Variants in RALGAPA1 observed in about 807,000 individuals in gnomAD.
RALGAPA1 encodes the protein Ral GTPase activating protein catalytic subunit alpha 1.
In RALGAPA1, 52 loss-of-function variants were observed where a neutral mutation model predicts 269.6. That is an observed-to-expected ratio of 0.19 (90% confidence interval 0.15 to 0.24). The LOEUF is 0.24. Ranked by LOEUF, RALGAPA1 falls within the 10% of genes least tolerant of loss-of-function variation. RALGAPA1 has a pLI of 1.00. For synonymous variants in RALGAPA1, 817 were observed against 1,008.3 expected (o/e 0.81, Z 3.60); for missense variants, 1,917 against 3,013.9 (o/e 0.64, Z 8.52).
intron 31 of RALGAPA1, among the ~76,000 whole-genome samples, chr14:35,640,214 G>A (rs2061935860): frequency 6.6e-6 from 1 of 151,502 alleles, no homozygotes; most frequent in Admixed American, 6.6e-5. Context: ...AAAGTAAGCA[G>A]AATAAAAATA....
chr14:35,577,519 T>G (rs2057656280), intron 37 of RALGAPA1, among the ~76,000 whole-genome samples: 1 of 152,230 alleles, frequency 6.6e-6, no homozygotes, highest in African/African-American at 2.4e-5. Context: ...ATCTTGATCT[T>G]AGATTTCTCA....
chr14:35,562,936 G>A (rs947292117), intron 39 of RALGAPA1, among the ~76,000 whole-genome samples: 1 of 142,354 alleles, frequency 7.0e-6, no homozygotes, highest in African/African-American at 2.6e-5. Flanking sequence ...CAGGAGAACT[G>A]CTTGAACCCA....
chr14:35,678,156 A>T, intron 21 of RALGAPA1, 54 bp from the exon 22 acceptor site: 1 of 1,521,260 alleles, frequency 6.6e-7, no homozygotes, highest in Admixed American at 2.1e-5. Context: ...ATCCTACCTA[A>T]GATGTAATGC....
intron 34 of RALGAPA1, among the ~76,000 whole-genome samples, chr14:35,626,836 A>T (rs1395437386): frequency 6.6e-6 from 1 of 152,116 alleles, no homozygotes; most frequent in Non-Finnish European, 1.5e-5. Context: ...AAGGTTGAAA[A>T]ATGAGCTATA....
intron 37 of RALGAPA1, among the ~76,000 whole-genome samples, chr14:35,581,172 A>G (rs1258912728): frequency 6.6e-6 from 1 of 152,168 alleles, no homozygotes; most frequent in Admixed American, 6.5e-5. Flanking sequence ...GATTAAGTTT[A>G]AACATTTAAC....
intron 1 of RALGAPA1, among the ~76,000 whole-genome samples, chr14:35,787,785 T>C (rs1295792224): frequency 2.0e-5 from 3 of 151,650 alleles, no homozygotes; most frequent in Non-Finnish European, 4.4e-5. Flanking sequence ...TCTCACTATG[T>C]CGCCCAGGCT....
intron 4 of RALGAPA1, chr14:35,766,020 G>A (rs2074110636): frequency 7.2e-7 from 1 of 1,390,140 alleles, no homozygotes; most frequent in Non-Finnish European, 1.0e-6. Flanking sequence ...TGAGAATGAA[G>A]ATTCAGACTG....
chr14:35,679,676 A>G (rs373201655), intron 21 of RALGAPA1, among the ~76,000 whole-genome samples: 17 of 152,224 alleles, frequency 1.1e-4, no homozygotes, highest in African/African-American at 3.9e-4. Flanking sequence ...GTAAGTTGTT[A>G]ATTATAGTAA....
At chr14:35,797,761 C>T (rs1025384842) in intron 1 of RALGAPA1, among the ~76,000 whole-genome samples, 1 of 149,872 alleles carries the variant, frequency 6.7e-6, no homozygotes, top group Non-Finnish European at 1.5e-5. Flanking sequence ...AGGAGAATTG[C>T]TTGAACCCGG....
At chr14:35,730,751 G>C (rs1431886872) in intron 12 of RALGAPA1, among the ~76,000 whole-genome samples, 1 of 152,136 alleles carries the variant, frequency 6.6e-6, no homozygotes, top group Non-Finnish European at 1.5e-5. Flanking sequence ...GAGAGTCTGA[G>C]CTCAGACACA....
intron 22 of RALGAPA1, among the ~76,000 whole-genome samples, chr14:35,675,458 G>A (rs1033621380): frequency 6.6e-6 from 1 of 152,176 alleles, no homozygotes. Context: ...TTACAGGCGT[G>A]AGCCACCGCA....
At chr14:35,665,481 C>T (rs1242204271) in intron 26 of RALGAPA1, among the ~76,000 whole-genome samples, 1 of 152,080 alleles carries the variant, frequency 6.6e-6, no homozygotes, top group Non-Finnish European at 1.5e-5. Flanking sequence ...TAATACCTAA[C>T]AAAAATGCTA....
At chr14:35,748,537 A>C (rs2072353499) in intron 10 of RALGAPA1, 48 bp downstream of exon 10, 1 of 1,540,410 alleles carries the variant, frequency 6.5e-7, no homozygotes, top group Non-Finnish European at 8.7e-7. Context: ...TTTAATATTA[A>C]AGATAAAAGC....
At chr14:35,804,577 A>G (rs2077217575) in intron 1 of RALGAPA1, among the ~76,000 whole-genome samples, 1 of 98,336 alleles carries the variant, frequency 1.0e-5, no homozygotes, top group South Asian at 4.0e-4. Context: ...TCAAAAATAA[A>G]TAAATAAATA....
Position 35,572,726 on chromosome 14 carries a change from GAC to G in RALGAPA1, c.7210-10_7210-9del, listed in dbSNP as rs1566717508. On this transcript the variant is annotated splice_polypyrimidine_tract_variant and intron_variant, in intron 37 of 41. Transcript: ENST00000680220. ...ATTTCCCAAATGTCTCAACTGGAAA[GAC>G]AAGAAAACAATTTATACTGCTTTAA... 4 of 1,590,198 alleles carry G rather than the reference GAC, an allele frequency of 2.5e-6. No homozygotes were observed. The South Asian group carries it at 3.5e-5, about 14-fold the overall frequency.
intron 41 of RALGAPA1, among the ~76,000 whole-genome samples, chr14:35,545,871 A>C (rs1406077505): frequency 1.3e-5 from 2 of 152,166 alleles, no homozygotes; most frequent in African/African-American, 2.4e-5. Flanking sequence ...AAGAGCAGTA[A>C]TTTCATTTTA....
chr14:35,774,350 T>C (rs2074862325), intron 3 of RALGAPA1, among the ~76,000 whole-genome samples: 1 of 152,144 alleles, frequency 6.6e-6, no homozygotes, highest in African/African-American at 2.4e-5. Flanking sequence ...AATACTCCTA[T>C]GACTGTTTAT....
At chr14:35,620,154 T>G (rs2060519861) in intron 35 of RALGAPA1, among the ~76,000 whole-genome samples, 1 of 152,152 alleles carries the variant, frequency 6.6e-6, no homozygotes, top group South Asian at 2.1e-4. Flanking sequence ...TCAAAAAGCT[T>G]ATTCACCACG....
intron 26 of RALGAPA1, among the ~76,000 whole-genome samples, chr14:35,669,925 A>T (rs1001655653): frequency 6.6e-6 from 1 of 152,214 alleles, no homozygotes; most frequent in African/African-American, 2.4e-5. Context: ...CTAAATGAAC[A>T]CATATTCAAT....
Sources: gnomAD v4.1 joint callset for allele counts (sites outside exome capture counted in the v4.1 genomes callset) on GRCh38, gnomAD v4.1.1 for gene constraint, MANE v1.5 for transcripts, NCBI Gene and HGNC (gene_info 2026-07-23, HGNC 2026-07-21) for gene names.